EGF: variants seen among roughly 807,000 people sequenced by gnomAD.
The protein encoded by EGF is epidermal growth factor.
In EGF, 95 loss-of-function variants were observed where a neutral mutation model predicts 143.8. That is an observed-to-expected ratio of 0.66 (90% confidence interval 0.56 to 0.78). The LOEUF (loss-of-function observed/expected upper bound fraction) is 0.78, where lower values mean the gene tolerates loss of function less well. EGF is among the 30% of genes least tolerant of loss of function. EGF has a pLI of 0.00. For synonymous variants in EGF, 510 were observed against 510.5 expected, an observed-to-expected ratio of 1.00 and a Z score of 0.01; for missense variants, 1,320 against 1,470.9, an observed-to-expected ratio of 0.90 and a Z score of 1.68.
intron 11 of EGF, among the ~76,000 whole-genome samples, chr4:109,973,179 C>T (rs1376081980): frequency 6.6e-6 from 1 of 152,138 alleles, no homozygotes; most frequent in East Asian, 1.9e-4. Context: ...GGCAGGGATG[C>T]TATAGAGTCA....
intron 8 of EGF, among the ~76,000 whole-genome samples, chr4:109,962,933 G>T (rs1388721551): frequency 6.6e-6 from 1 of 151,972 alleles, no homozygotes; most frequent in Admixed American, 6.6e-5. Flanking sequence ...CAGGCATGGT[G>T]GCGGGTGCCT....
chr4:109,989,375 G>A lies in EGF; in HGVS notation c.2734+666G>A, dbSNP rs577605418. On this transcript the variant is annotated intron_variant, in intron 18 of 23. Transcript: ENST00000265171. ...TACAAGTGAAAACCTGCCTGAAGCC[G>A]TCTGAGGCACGGTGAAGTGATTATC... 9.2e-5 allele frequency among the ~76,000 whole-genome samples: 14 copies of A among 152,296 alleles called. No homozygotes were observed. The East Asian group carries it at 2.1e-3, about 23-fold the overall frequency.
Position 110,008,605 on chromosome 4 carries a change from G to C in EGF, c.3370+375G>C, listed in dbSNP as rs774549041. The stretch of plus-strand genomic sequence containing the variant: ...GTTGTAAATGGCTCCAAGAAAACAT[G>C]TTCCATGTTCAGCCCATCTAGTGGG... On this transcript the variant is annotated intron_variant, in intron 23 of 23. Transcript: ENST00000265171. Among the ~76,000 whole-genome samples, 11 of 152,296 alleles carry C rather than the reference G, an allele frequency of 7.2e-5. No individual in the cohort carries two copies. In the Middle Eastern group the frequency reaches 0.01, roughly 141 times the overall value.
At chr4:109,983,338 G>T (rs1008567607) in intron 15 of EGF, 84 bp from the exon 16 acceptor site, 3 of 1,478,610 alleles carry the variant, frequency 2.0e-6, no homozygotes, top group Admixed American at 1.9e-5. Flanking sequence ...CACAACCAAT[G>T]AATAGTCGTA....
In EGF at chr4:109,976,068, A is replaced by G; in HGVS notation, c.1886A>G (p.Gln629Arg). ...INPRIESSSL[Q>R]GLGRLVIASS... ...CCACGAATTGAAAGTTCTTCCCTCC[A>G]AGGCCTTGGCCGTCTGGTTATAGCC... Residue 629 changes from glutamine (Q) to arginine (R), a missense_variant, in exon 13 of 24, where the codon CAA becomes CGA. Gln to Arg is a conservative substitution (Grantham distance 43). Around this residue, in one of 5 missense-constraint regions of EGF, gnomAD observed 1,186 missense variants for 1,313.7 expected, o/e 0.90. Transcript: ENST00000265171. 1 of 1,614,076 alleles carries G rather than the reference A, an allele frequency of 6.2e-7. No individual in the cohort carries two copies. Among genetic ancestry groups the G allele is most frequent in the South Asian group, 1.1e-5 (1 of 91,082 alleles).
rs1578422301 is a variant in EGF, at chr4:110,011,273, A to G, written c.3442A>G (p.Ile1148Val). 1 of 1,614,140 alleles carries G rather than the reference A, an allele frequency of 6.2e-7. No individual in the cohort carries two copies. The highest frequency in any genetic ancestry group is 2.2e-5 in the East Asian group (1 of 44,878). The change falls in exon 24 of 24, where the codon ATT becomes GTT. Residue 1148 changes from isoleucine (I) to valine (V), a missense_variant. Physicochemically the swap from Ile to Val is conservative, Grantham distance 29. This residue lies in a region of EGF where 1,186 missense variants were observed against 1,313.7 expected (regional missense o/e 0.90). Coordinates refer to ENST00000265171, the MANE Select transcript of EGF (RefSeq NM_001963.6). Reference sequence around the variant, plus strand: ...AATGGGCACAGAGCAAGGCTGCTGGATTCCAGTATCCAGTGATAAGGGCTC... The same window carrying G: ...AATGGGCACAGAGCAAGGCTGCTGGGTTCCAGTATCCAGTGATAAGGGCTC... ...CGMGTEQGCW[I>V]PVSSDKGSCP...
rs566086569 is a variant in EGF at position 109,964,548 on chromosome 4, G to T, written c.1575+11G>T. The T allele has an allele frequency of 1.2e-6, 2 of 1,613,740 alleles. No homozygotes were observed. The highest frequency in any genetic ancestry group is 1.7e-6 in the Non-Finnish European group (2 of 1,179,650). ...CCTGTGGAAAATAAGGTATGGTTTT[G>T]TTACTTGAACAGATGTGGACATGCT... On this transcript the variant is annotated intron_variant, in intron 10 of 23. Transcript: ENST00000265171.
At position 109,976,026 on chromosome 4, in the gene EGF, C is replaced by G. The variant is rs1342016958; in HGVS notation, c.1844C>G (p.Thr615Ser). 2 of 1,613,824 alleles carry G rather than the reference C, an allele frequency of 1.2e-6. No homozygotes were observed. The highest frequency in any genetic ancestry group is 1.1e-5 in the South Asian group (1 of 91,070). Residue 615 changes from threonine to serine, a missense_variant, in exon 13 of 24, where the codon ACT (threonine) becomes AGT (serine). Coordinates refer to ENST00000265171, the MANE Select transcript of EGF (RefSeq NM_001963.6). The stretch of plus-strand genomic sequence containing the variant: ...CTTGATTAAAGGAGATTATTCTGGA[C>G]TGATACAGGGATTAATCCACGAATT... ...VHPMAKRLFWTDTGINPRIES... is the reference protein window; with the variant it reads ...VHPMAKRLFWSDTGINPRIES...
chr4:109,958,870 A>G (rs1358621284), intron 5 of EGF, among the ~76,000 whole-genome samples: 1 of 144,542 alleles, frequency 6.9e-6, no homozygotes, highest in Non-Finnish European at 1.5e-5. Context: ...GTGAGCCAAG[A>G]TTGTGCCACT....
chr4:109,973,249 C>T (rs1362004933), intron 11 of EGF, among the ~76,000 whole-genome samples: 1 of 152,160 alleles, frequency 6.6e-6, no homozygotes, highest in East Asian at 1.9e-4. Context: ...TTTATCTCCT[C>T]ACCGTCATCT....
chr4:109,942,355 G>A (rs1031290206), intron 2 of EGF, among the ~76,000 whole-genome samples: 5 of 152,130 alleles, frequency 3.3e-5, no homozygotes, highest in African/African-American at 7.2e-5. Flanking sequence ...GAATGGATTG[G>A]GTTGGTGCAA....
At position 109,964,410 on chromosome 4, in the gene EGF, C is replaced by G. The variant is rs1384197102; in HGVS notation, c.1448C>G (p.Pro483Arg). 3 of 1,613,888 alleles carry G rather than the reference C, an allele frequency of 1.9e-6. No individual in the cohort carries two copies. Among genetic ancestry groups the G allele is most frequent in the Non-Finnish European group, 2.5e-6 (3 of 1,179,842 alleles). The change falls in exon 10 of 24, where the codon CCA (proline) becomes CGA (arginine). Residue 483 changes from proline (P) to arginine (R), a missense_variant. This residue lies in a region of EGF where 1,186 missense variants were observed against 1,313.7 expected (regional missense o/e 0.90). Transcript: ENST00000265171. ...EKSCAASGPQ[P>R]FLLFANSQDI... ...GAAATTTGGTTAACAGGACCACAAC[C>G]ATTTTTGCTGTTTGCCAATTCTCAA...
intron 5 of EGF, among the ~76,000 whole-genome samples, chr4:109,951,387 G>GA (rs894148128): frequency 2.6e-5 from 4 of 151,238 alleles, no homozygotes; most frequent in Admixed American, 6.6e-5. Context: ...AAAACCAAGT[G>GA]AAAAAAAATT....
intron 18 of EGF, among the ~76,000 whole-genome samples, chr4:109,990,323 A>G (rs941047077): frequency 1.3e-5 from 2 of 152,246 alleles, no homozygotes; most frequent in African/African-American, 2.4e-5. Flanking sequence ...AGTGCACATC[A>G]TAAGAGAAGT....
At chr4:109,993,479 G>A in intron 19 of EGF, 110 bp downstream of exon 19, 3 of 1,489,462 alleles carry the variant, frequency 2.0e-6, no homozygotes, top group Non-Finnish European at 2.7e-6. Flanking sequence ...GTTCAGGCAG[G>A]CTGCAGAGCT....
intron 16 of EGF, among the ~76,000 whole-genome samples, chr4:109,985,929 T>A (rs544940234): frequency 6.6e-6 from 1 of 152,378 alleles, no homozygotes; most frequent in African/African-American, 2.4e-5. Flanking sequence ...TCTTTCTTTG[T>A]CATCCTTATT....
At chr4:109,979,409 A>G (rs1578327980) in intron 13 of EGF, among the ~76,000 whole-genome samples, 1 of 152,068 alleles carries the variant, frequency 6.6e-6, no homozygotes, top group East Asian at 1.9e-4. Context: ...TCAGGGGCAC[A>G]GGTCAATATT....
Position 110,000,112 on chromosome 4 carries a change from G to A in EGF, c.3173+266G>A, listed in dbSNP as rs11569099. On this transcript the variant is annotated intron_variant, in intron 21 of 23. Transcript: ENST00000265171. ...ACTAAAAAGGCAAAAAGTAACAGGC[G>A]TAGTGATGCACACCAGTAATCTCAG... Among the ~76,000 whole-genome samples the A allele has an allele frequency of 7.8e-3, 1,184 of 152,096 alleles. 20 individuals carry two copies. The highest frequency in any genetic ancestry group is 0.027 in the African/African-American group (1,125 of 41,492).
At chr4:109,962,242 C>T (rs1203464954) in intron 8 of EGF, among the ~76,000 whole-genome samples, 4 of 152,156 alleles carry the variant, frequency 2.6e-5, no homozygotes, top group Non-Finnish European at 5.9e-5. Context: ...GTAGCATTAC[C>T]AGTTACTAGC....
Sources: gnomAD v4.1 joint callset for allele counts (sites outside exome capture counted in the v4.1 genomes callset) on GRCh38, gnomAD v4.1.1 for gene constraint, gnomAD v4.1.1 regional missense constraint, MANE v1.5 for transcripts, NCBI Gene and HGNC (gene_info 2026-07-23, HGNC 2026-07-21) for gene names.